The following CHD9 variants were observed in gnomAD, a reference collection of about 807,000 sequenced individuals.
CHD9 encodes the protein ATP-dependent chromatin remodeler CHD9.
CHD9 carries 77 observed loss-of-function variants against 316.1 expected under a neutral mutation model. The ratio of observed to expected loss-of-function variants is 0.24; its 90% confidence interval spans 0.20 to 0.29. The LOEUF is 0.29. Ranked by LOEUF, CHD9 falls within the 10% of genes least tolerant of loss-of-function variation. The pLI is 1.00. For missense variants in CHD9, 2,763 were observed against 3,438.1 expected (o/e 0.80, Z 4.91); for synonymous variants, 1,129 against 1,158.3 (o/e 0.97, Z 0.51).
At chr16:53,086,994 C>T (rs2035518950) in intron 1 of CHD9, among the ~76,000 whole-genome samples, 1 of 152,180 alleles carries the variant, frequency 6.6e-6, no homozygotes, top group Non-Finnish European at 1.5e-5. Flanking sequence ...CTCCTATCCC[C>T]ACCATGCACC....
intron 24 of CHD9, among the ~76,000 whole-genome samples, chr16:53,276,693 CT>C (rs2052863866): frequency 6.6e-6 from 1 of 152,044 alleles, no homozygotes; most frequent in African/African-American, 2.4e-5. Flanking sequence ...TTTCTTGGAT[CT>C]TTTTTTCTCT....
chr16:53,146,096 A>G (rs2040549852), intron 1 of CHD9, among the ~76,000 whole-genome samples: 1 of 151,546 alleles, frequency 6.6e-6, no homozygotes, highest in South Asian at 2.1e-4. Context: ...GTATGGAGTT[A>G]AAATTTTATG....
intron 3 of CHD9, among the ~76,000 whole-genome samples, chr16:53,210,475 T>C (rs953781912): frequency 6.6e-6 from 1 of 152,106 alleles, no homozygotes; most frequent in Non-Finnish European, 1.5e-5. Flanking sequence ...CTATGTATTT[T>C]ACTGCTTATC....
chr16:53,203,047 A>G (rs1041780935), intron 2 of CHD9, among the ~76,000 whole-genome samples: 5 of 152,170 alleles, frequency 3.3e-5, no homozygotes, highest in Admixed American at 6.5e-5. Flanking sequence ...AAAATGTTGT[A>G]TGCATTAAAT....
intron 2 of CHD9, among the ~76,000 whole-genome samples, chr16:53,204,157 T>A (rs2045710502): frequency 6.7e-6 from 1 of 148,582 alleles, no homozygotes; most frequent in Non-Finnish European, 1.5e-5. Context: ...TGTATAACCT[T>A]CACCACCCCA....
At chr16:53,183,691 G>T (rs2043725595) in intron 2 of CHD9, among the ~76,000 whole-genome samples, 1 of 152,054 alleles carries the variant, frequency 6.6e-6, no homozygotes, top group Non-Finnish European at 1.5e-5. Flanking sequence ...GAGTGAGAGG[G>T]TCGCTTGAGG....
chr16:53,082,084 C>A (rs1488571027), intron 1 of CHD9, among the ~76,000 whole-genome samples: 1 of 152,172 alleles, frequency 6.6e-6, no homozygotes, highest in East Asian at 1.9e-4. Flanking sequence ...GTCTCAGGCT[C>A]TGTGCTTTAA....
chr16:53,094,840 C>T (rs1486280261), intron 1 of CHD9, among the ~76,000 whole-genome samples: 5 of 151,976 alleles, frequency 3.3e-5, no homozygotes, highest in African/African-American at 9.7e-5. Context: ...GGTTTCGCCA[C>T]GTTGGTCAGG....
Position 53,324,962 on chromosome 16 carries a change from AC to A in CHD9, c.*71del. 1 of 1,336,684 alleles carries A rather than the reference AC, an allele frequency of 7.5e-7. No homozygotes were observed. Among genetic ancestry groups the A allele is most frequent in the Non-Finnish European group, 1.0e-6 (1 of 993,972 alleles). 82.8% of individuals were successfully genotyped at this position (1,336,684 alleles called of 1,614,324 possible). On this transcript the variant is annotated 3_prime_UTR_variant, in exon 39 of 39. Coordinates refer to ENST00000447540, the MANE Select transcript of CHD9 (RefSeq NM_001308319.2). ...TTTTCTTTAATAATTAATTGTAAAT[AC>A]CCCAGTGTTGAGTGCATCAATAACT... is the stretch of plus-strand genomic sequence containing the variant.
intron 2 of CHD9, among the ~76,000 whole-genome samples, chr16:53,165,290 T>A (rs1361506722): frequency 6.6e-6 from 1 of 152,192 alleles, no homozygotes; most frequent in African/African-American, 2.4e-5. Context: ...ACATTCATAT[T>A]GCCTATTTAG....
In CHD9 at chr16:53,235,820, A is replaced by G. The variant is rs1308867172; in HGVS notation, c.2633+514A>G. 2.6e-5 allele frequency among the ~76,000 whole-genome samples: 4 copies of G among 152,320 alleles called. No homozygotes were observed. In the East Asian group the frequency reaches 7.7e-4, roughly 29 times the overall value. On this transcript the variant is annotated intron_variant, in intron 11 of 38. Transcript: ENST00000447540. ...AGGTTTTCAAAATGCCTTATAGAATATCTTACATTCTTTTTTGACATGAAA... is the reference window on the plus strand; with the variant it reads ...AGGTTTTCAAAATGCCTTATAGAATGTCTTACATTCTTTTTTGACATGAAA...
intron 2 of CHD9, among the ~76,000 whole-genome samples, chr16:53,163,993 A>G (rs1224675153): frequency 6.6e-6 from 1 of 152,162 alleles, no homozygotes; most frequent in Non-Finnish European, 1.5e-5. Context: ...TAAGTAATAA[A>G]CCCCAAGTCA....
chr16:53,235,093 C>A, intron 10 of CHD9, 92 bp from the exon 11 acceptor site: 1 of 962,046 alleles, frequency 1.0e-6, no homozygotes, highest in Non-Finnish European at 1.5e-6. Flanking sequence ...CACTGTTATG[C>A]CTCTTAGGGT....
intron 5 of CHD9, chr16:53,227,028 C>T: frequency 4.7e-6 from 1 of 213,388 alleles, no homozygotes; most frequent in South Asian, 6.8e-5. Flanking sequence ...TATGACCCAA[C>T]CACTCAGCCA....
chr16:53,121,135 G>T (rs1363101244), intron 1 of CHD9, among the ~76,000 whole-genome samples: 1 of 152,154 alleles, frequency 6.6e-6, no homozygotes, highest in East Asian at 1.9e-4. Flanking sequence ...GAAAATAATT[G>T]GCCATGAAGC....
At chr16:53,301,410 C>T (rs376664373) in intron 30 of CHD9, among the ~76,000 whole-genome samples, 29 of 152,272 alleles carry the variant, frequency 1.9e-4, no homozygotes, top group African/African-American at 6.0e-4. Context: ...AATTACCTAA[C>T]ATTTCTGTCT....
chr16:53,205,014 G>C (rs893516797), intron 2 of CHD9, among the ~76,000 whole-genome samples: 4 of 151,912 alleles, frequency 2.6e-5, no homozygotes, highest in African/African-American at 4.8e-5. Context: ...GCTAGTTTTT[G>C]TATTTTTAGT....
At chr16:53,288,954 G>A (rs2054110335) in intron 27 of CHD9, among the ~76,000 whole-genome samples, 1 of 151,424 alleles carries the variant, frequency 6.6e-6, no homozygotes, top group Non-Finnish European at 1.5e-5. Context: ...GCACCTGTAA[G>A]AAACAGTTCA....
intron 1 of CHD9, among the ~76,000 whole-genome samples, chr16:53,146,223 T>TAAA (rs776269746): frequency 2.1e-3 from 206 of 97,960 alleles, no homozygotes; most frequent in Middle Eastern, 5.4e-3. Context: ...CCGTCTCTAC[T>TAAA]AAAAAAAAAA....
Sources: gnomAD v4.1 joint callset for allele counts (sites outside exome capture counted in the v4.1 genomes callset) on GRCh38, gnomAD v4.1.1 for gene constraint, MANE v1.5 for transcripts, NCBI Gene and HGNC (gene_info 2026-07-23, HGNC 2026-07-21) for gene names.